The following DCHS2 variants were observed in gnomAD, a reference collection of about 807,000 sequenced individuals.
The protein encoded by DCHS2 is protocadherin-23.
In DCHS2, 142 loss-of-function variants were observed where a neutral mutation model predicts 182.4. The observed-to-expected ratio is 0.78, with a 90% CI of 0.68 to 0.89. The LOEUF is 0.89. Among genes scored for constraint, DCHS2 ranks in the 40% least tolerant of loss-of-function variants. DCHS2 has a pLI of 0.00. For missense variants in DCHS2, 4,319 were observed against 4,198.6 expected (o/e 1.03, Z -0.79); for synonymous variants, 1,740 against 1,663.3 (o/e 1.05, Z -1.12).
At chr4:154,433,381 GTTTTTTT>G (rs371333630) in intron 1 of DCHS2, among the ~76,000 whole-genome samples, 36 of 127,582 alleles carry the variant, frequency 2.8e-4, no homozygotes, top group African/African-American at 1.0e-3. Context: ...CAAATAACTA[GTTTTTTT>G]TTTTTCCTTT....
Position 154,269,905 on chromosome 4 carries a change from T to C in DCHS2, c.6572A>G (p.Lys2191Arg), listed in dbSNP as rs1408574536. The C allele has an allele frequency of 1.2e-6, 2 of 1,611,102 alleles. No homozygotes were observed. The highest frequency in any genetic ancestry group is 1.7e-6 in the Non-Finnish European group (2 of 1,178,746). Residue 2191 changes from lysine to arginine, a missense_variant, in exon 14 of 20, where the codon AAG (lysine) becomes AGG (arginine). Transcript: ENST00000357232. ...NEDGVLSLCS[K>R]SGQLTVKEPK... ...ATAGGGTAGAGAAGGATTACCTGACTTAGAGCACAGGGAAAGAACTCCATC... is the reference window on the plus strand; with the variant it reads ...ATAGGGTAGAGAAGGATTACCTGACCTAGAGCACAGGGAAAGAACTCCATC...
At chr4:154,278,629 A>G (rs1041714437) in intron 13 of DCHS2, among the ~76,000 whole-genome samples, 1 of 151,864 alleles carries the variant, frequency 6.6e-6, no homozygotes. Flanking sequence ...TAAAAAAAAA[A>G]AGAGAAAGAA....
chr4:154,322,544 AAATC>A, intron 7 of DCHS2, 56 bp from the exon 8 acceptor site: 1 of 1,525,116 alleles, frequency 6.6e-7, no homozygotes, highest in Non-Finnish European at 8.8e-7. Context: ...AGAAAACAGA[AAATC>A]AATTAATCCA....
chr4:154,327,581 A>T (rs2111350725), intron 7 of DCHS2, among the ~76,000 whole-genome samples: 1 of 152,274 alleles, frequency 6.6e-6, no homozygotes, highest in East Asian at 1.9e-4. Flanking sequence ...TAACTGGAAA[A>T]AATCTGGGGC....
At chr4:154,442,284 C>CTA (rs960784792) in intron 1 of DCHS2, among the ~76,000 whole-genome samples, 1 of 152,074 alleles carries the variant, frequency 6.6e-6, no homozygotes, top group Non-Finnish European at 1.5e-5. Context: ...GCAGACCTTA[C>CTA]TATCATTCCT....
intron 1 of DCHS2, among the ~76,000 whole-genome samples, chr4:154,472,553 A>G (rs1364796340): frequency 6.6e-6 from 1 of 152,218 alleles, no homozygotes; most frequent in African/African-American, 2.4e-5. Context: ...CATACACAAC[A>G]TTTCCAGGAA....
intron 1 of DCHS2, among the ~76,000 whole-genome samples, chr4:154,425,515 G>A (rs974437573): frequency 6.6e-6 from 1 of 152,178 alleles, no homozygotes; most frequent in Admixed American, 6.5e-5. Flanking sequence ...AGGTGCCCTT[G>A]ATCATTGAAA....
chr4:154,412,602 T>G (rs1383449807), intron 1 of DCHS2, among the ~76,000 whole-genome samples: 2 of 152,140 alleles, frequency 1.3e-5, no homozygotes, highest in Non-Finnish European at 2.9e-5. Flanking sequence ...CAATTTAATA[T>G]TTCAGCAAAC....
rs770299875 is a variant in DCHS2 at position 154,489,904 on chromosome 4, G to T, written c.1452C>A (p.Gly484=). The T allele has an allele frequency of 1.3e-6, 2 of 1,539,102 alleles. No homozygotes were observed. Among genetic ancestry groups the T allele is most frequent in the Admixed American group, 4.0e-5 (2 of 49,934 alleles). The change falls in exon 1 of 20, where the codon GGC becomes GGA. Residue 484 remains glycine (G), a synonymous_variant. Coordinates refer to ENST00000357232, the MANE Select transcript of DCHS2 (RefSeq NM_001358235.2). Reference sequence around the variant, plus strand: ...CGCAAAGGAAAAATACCCCTGGGGGGCCGCCGGGTAGCAACGCGAAGTCTC... The same window carrying T: ...CGCAAAGGAAAAATACCCCTGGGGGTCCGCCGGGTAGCAACGCGAAGTCTC... ...GEGDFALLPG[G]PPGVFFLCVE...
At chr4:154,463,020 A>G (rs1487182786) in intron 1 of DCHS2, among the ~76,000 whole-genome samples, 8 of 151,844 alleles carry the variant, frequency 5.3e-5, no homozygotes, top group Non-Finnish European at 1.2e-4. Context: ...TCTTCCCCAT[A>G]CCAAATCCTC....
intron 1 of DCHS2, among the ~76,000 whole-genome samples, chr4:154,410,946 C>A (rs1732605303): frequency 6.6e-6 from 1 of 152,176 alleles, no homozygotes; most frequent in Admixed American, 6.5e-5. Context: ...AGTAACCTTG[C>A]AGACCAGGAG....
intron 12 of DCHS2, among the ~76,000 whole-genome samples, chr4:154,299,289 A>T (rs1218055349): frequency 6.6e-6 from 1 of 152,204 alleles, no homozygotes; most frequent in Non-Finnish European, 1.5e-5. Flanking sequence ...TGGACACTTG[A>T]CTATTTCTTC....
chr4:154,349,465 A>G (rs6535997), intron 3 of DCHS2, among the ~76,000 whole-genome samples: 151,552 of 152,294 alleles, frequency 1, 75,408 homozygotes, highest in Middle Eastern at 1. Flanking sequence ...CAAACCAATG[A>G]CTTCCTATAA....
intron 1 of DCHS2, among the ~76,000 whole-genome samples, chr4:154,455,983 A>C (rs1734748658): frequency 2.0e-5 from 3 of 152,070 alleles, no homozygotes. Context: ...CCAGCTACTC[A>C]GGAGGCTGAG....
intron 1 of DCHS2, among the ~76,000 whole-genome samples, chr4:154,452,937 C>T (rs552119301): frequency 2.6e-4 from 39 of 152,252 alleles, no homozygotes; most frequent in African/African-American, 9.4e-4. Flanking sequence ...ACTTCCACTT[C>T]GAGGACTATG....
At position 154,320,788 on chromosome 4, in the gene DCHS2, A is replaced by G. The variant is rs1228973593; in HGVS notation, c.4611T>C (p.Asp1537=). The G allele has an allele frequency of 1.2e-6, 2 of 1,614,158 alleles. No individual in the cohort carries two copies. Among genetic ancestry groups the G allele is most frequent in the Admixed American group, 3.3e-5 (2 of 60,002 alleles). Residue 1537 remains aspartate, a synonymous_variant, in exon 9 of 20, where the codon GAT becomes GAC. Transcript: ENST00000357232. The part of the protein sequence containing the change: ...TLVYVFNAKD[D]DGSFLNSRIQ... Reference sequence around the variant, plus strand: ...TTCTACTGTTCAAAAAACTGCCGTCATCATCTTTGGCATTGAAGACATACA... The same window carrying G: ...TTCTACTGTTCAAAAAACTGCCGTCGTCATCTTTGGCATTGAAGACATACA...
Position 154,332,604 on chromosome 4 carries a change from C to T in DCHS2, c.3604G>A (p.Glu1202Lys). 1.2e-6 allele frequency: 2 copies of T among 1,614,226 alleles called. No individual in the cohort carries two copies. The highest frequency in any genetic ancestry group is 1.7e-6 in the Non-Finnish European group (2 of 1,180,054). ...ATTACCCCTTGGGGAACAGGGCTCT[C>T]TTCGACTTTCAAAAACAACACATCA... ...LHDVLFLKVEESPVPQGVIGK... is the reference protein window; with the variant it reads ...LHDVLFLKVEKSPVPQGVIGK... The change falls in exon 5 of 20, where the codon GAG (glutamate) becomes AAG (lysine). Residue 1202 changes from glutamate (E) to lysine (K), a missense_variant. Glu to Lys is a moderately conservative substitution (Grantham distance 56, BLOSUM62 1). Coordinates refer to ENST00000357232, the MANE Select transcript of DCHS2 (RefSeq NM_001358235.2).
intron 3 of DCHS2, among the ~76,000 whole-genome samples, chr4:154,360,144 C>A (rs987767946): frequency 4.6e-5 from 7 of 152,076 alleles, no homozygotes; most frequent in African/African-American, 1.7e-4. Context: ...CCATGTTTAT[C>A]CCATGTAATT....
At chr4:154,371,950 A>G (rs139507764) in intron 2 of DCHS2, among the ~76,000 whole-genome samples, 145 of 152,306 alleles carry the variant, frequency 9.5e-4, no homozygotes, top group Non-Finnish European at 1.6e-3. Context: ...ATTCGACATG[A>G]GATTTGATGG....
Sources: gnomAD v4.1 joint callset for allele counts (sites outside exome capture counted in the v4.1 genomes callset) on GRCh38, gnomAD v4.1.1 for gene constraint, MANE v1.5 for transcripts, NCBI Gene and HGNC (gene_info 2026-07-23, HGNC 2026-07-21) for gene names.